Variants in ALG3 observed in about 807,000 individuals in gnomAD.
ALG3 encodes the protein ALG3 alpha-1,3- mannosyltransferase, also known as dol-P-Man:Man(5)GlcNAc(2)-PP-Dol alpha-1,3-mannosyltransferase.
In ALG3, 39 loss-of-function variants were observed where a neutral mutation model predicts 50.5. The observed-to-expected ratio is 0.77, with a 90% confidence interval of 0.60 to 1.01. The LOEUF is 1.01. ALG3 is among the 50% of genes least tolerant of loss of function. The pLI is 0.00. For synonymous variants in ALG3, 252 were observed against 237.2 expected, an observed-to-expected ratio of 1.06 and a Z score of -0.58; for missense variants, 520 against 554.8, an observed-to-expected ratio of 0.94 and a Z score of 0.63.
At chr3:184,244,059 C>T in intron 5 of ALG3, 63 bp from the exon 6 acceptor site, 4 of 1,511,608 alleles carry the variant, frequency 2.6e-6, no homozygotes, top group South Asian at 2.4e-5. Flanking sequence ...AGCCTTCATG[C>T]TACTCATTGA....
chr3:184,242,994 T>TG lies in ALG3; in HGVS notation c.1010-38dup, dbSNP rs532747618. On this transcript the variant is annotated intron_variant, in intron 7 of 8. Transcript: ENST00000397676. ...TCAAGGCCAAGGGCAGGAGTGTGTG[T>TG]GGGGGGGACTATCCCAAAACAGAGG... 2.2e-3 allele frequency: 3,500 copies of TG among 1,608,866 alleles called. 31 individuals carry two copies. The highest frequency in any genetic ancestry group is 1.5e-3 in the Non-Finnish European group (1,784 of 1,178,396).
intron 6 of ALG3, 52 bp downstream of exon 6, chr3:184,243,739 G>T: frequency 6.3e-7 from 1 of 1,593,788 alleles, no homozygotes; most frequent in Non-Finnish European, 8.6e-7. Flanking sequence ...TAAGGCTTAG[G>T]CCCTTCACTC....
In ALG3 at chr3:184,242,808, G is replaced by C. The variant is rs372929338; in HGVS notation, c.1154+5C>G. 8.7e-6 allele frequency: 14 copies of C among 1,613,526 alleles called. No homozygotes were observed. The highest frequency in any genetic ancestry group is 3.3e-5 in the Admixed American group (2 of 59,998). On this transcript the variant is annotated splice_donor_5th_base_variant and intron_variant, in intron 8 of 8. Coordinates refer to ENST00000397676, the MANE Select transcript of ALG3 (RefSeq NM_005787.6). The stretch of plus-strand genomic sequence containing the variant: ...CCCACTCCCCCAGGTTGTCCCAGCT[G>C]GTACCTGAGCAGGTGTGTGAGCCAG...
Position 184,248,901 on chromosome 3 carries a change from C to T in ALG3, c.40G>A (p.Ala14Thr). ...TTGCAGAGTCCCTCTGCCTGGGCCG[C>T]GGAACCGGACCGGCCGCGTTTCCGC... is the stretch of plus-strand genomic sequence containing the variant. Reference protein sequence around the residue: ...GLRKRGRSGSAAQAEGLCKQW... With the variant: ...GLRKRGRSGSTAQAEGLCKQW... Residue 14 changes from alanine (A) to threonine (T), a missense_variant, in exon 1 of 9, where the codon GCG becomes ACG. By Grantham distance (58) the Ala-to-Thr change is moderately conservative. Transcript: ENST00000397676. The T allele has an allele frequency of 6.3e-7, 1 of 1,598,354 alleles. No homozygotes were observed.
At chr3:184,243,016 G>A (rs886940329) in intron 7 of ALG3, 59 bp from the exon 8 acceptor site, 24 of 1,596,536 alleles carry the variant, frequency 1.5e-5, no homozygotes, top group Middle Eastern at 2.2e-4. Context: ...TCCCAAAACA[G>A]AGGGGCAATA....
intron 1 of ALG3, among the ~76,000 whole-genome samples, 181 bp downstream of exon 1, chr3:184,248,564 G>A (rs1719313698): frequency 6.6e-6 from 1 of 152,226 alleles, no homozygotes; most frequent in Admixed American, 6.5e-5. Context: ...TGCCATGCGG[G>A]CAGATTAAGA....
rs528833789 is a variant in ALG3, at chr3:184,244,066, T to C, written c.727-70A>G. On this transcript the variant is annotated intron_variant, in intron 5 of 8. Coordinates refer to ENST00000397676, the MANE Select transcript of ALG3 (RefSeq NM_005787.6). Reference sequence around the variant, plus strand: ...CAATGACCAGCCTTCATGCTACTCATTGAGGGGTGTGGGACGGGGATGTAG... The same window carrying C: ...CAATGACCAGCCTTCATGCTACTCACTGAGGGGTGTGGGACGGGGATGTAG... 5 of 1,484,692 alleles carry C rather than the reference T, an allele frequency of 3.4e-6. No homozygotes were observed. The East Asian group carries it at 6.9e-5, about 20-fold the overall frequency. The allele number at this position is 1,484,692 out of a possible 1,614,324, so 92.0% of individuals were successfully genotyped here.
chr3:184,247,770 T>G lies in ALG3; in HGVS notation c.196+975A>C, dbSNP rs181417664. ...CCTATGCCCTTTATGGTATCCTGTG[T>G]TACTACTACCATGATTATGATGCAT... is the stretch of plus-strand genomic sequence containing the variant. On this transcript the variant is annotated intron_variant, in intron 1 of 8. Coordinates refer to ENST00000397676, the MANE Select transcript of ALG3 (RefSeq NM_005787.6). Among the ~76,000 whole-genome samples, 3 of 152,304 alleles carry G rather than the reference T, an allele frequency of 2.0e-5. No individual in the cohort carries two copies. The East Asian group carries it at 5.8e-4, about 29-fold the overall frequency.
intron 1 of ALG3, 54 bp downstream of exon 1, chr3:184,248,691 G>T: frequency 1.4e-6 from 2 of 1,466,204 alleles, no homozygotes; most frequent in Non-Finnish European, 1.8e-6. Flanking sequence ...ATCCAGTTTG[G>T]GTCGCGGGTT....
rs781738912 is a variant in ALG3, at chr3:184,245,448, C to T, written c.444+20G>A. 1.9e-6 allele frequency: 3 copies of T among 1,613,502 alleles called. No homozygotes were observed. The highest frequency in any genetic ancestry group is 1.7e-6 in the Non-Finnish European group (2 of 1,179,602). Reference sequence around the variant, plus strand: ...GCCCTCCCAGGCTGGGGCCCTCTAGCCCTGGTAGCATGGACTCACCTTGCA... The same window carrying T: ...GCCCTCCCAGGCTGGGGCCCTCTAGTCCTGGTAGCATGGACTCACCTTGCA... On this transcript the variant is annotated intron_variant, in intron 3 of 8. Coordinates refer to ENST00000397676, the MANE Select transcript of ALG3 (RefSeq NM_005787.6).
At chr3:184,243,025 T>A in intron 7 of ALG3, 68 bp from the exon 8 acceptor site, 2 of 1,584,348 alleles carry the variant, frequency 1.3e-6, no homozygotes, top group Non-Finnish European at 8.6e-7. Flanking sequence ...AGAGGGGCAA[T>A]AGTTTTTAGG....
At chr3:184,249,124 A>C, upstream of ALG3, 2 of 1,476,024 alleles carry the variant, frequency 1.4e-6, no homozygotes, top group Non-Finnish European at 1.9e-6. Context: ...TCCACGCTCC[A>C]TAGGAGCAGG....
intron 1 of ALG3, among the ~76,000 whole-genome samples, chr3:184,248,175 ACTGTAC>A (rs1230545123): frequency 6.6e-6 from 1 of 152,022 alleles, no homozygotes; most frequent in African/African-American, 2.4e-5. Context: ...CTTATTCACC[ACTGTAC>A]CTCTCTCTGG....
chr3:184,243,193 G>T (rs1272293957), intron 7 of ALG3: 2 of 603,304 alleles, frequency 3.3e-6, no homozygotes, highest in Admixed American at 6.3e-5. Context: ...TACTGGCTGT[G>T]TGACCTTGGT....
intron 5 of ALG3, 55 bp downstream of exon 5, chr3:184,244,546 A>G (rs1719020642): frequency 1.9e-6 from 3 of 1,575,008 alleles, no homozygotes; most frequent in Non-Finnish European, 1.7e-6. Context: ...GAGCCCCTCA[A>G]TCAAGACAAG....
Position 184,242,944 on chromosome 3 carries a change from G to A in ALG3, c.1023C>T (p.Thr341=), listed in dbSNP as rs767460147. 1.4e-5 allele frequency: 22 copies of A among 1,613,380 alleles called. No homozygotes were observed. In the African/African-American group the frequency reaches 2.8e-4, roughly 21 times the overall value. Reference sequence around the variant, plus strand: ...TGCCAATGAAGTTGGAGGTGAAGAGGGTAGAAACGATCTGTATGCGGTGGT... The same window carrying A: ...TGCCAATGAAGTTGGAGGTGAAGAGAGTAGAAACGATCTGTATGCGGTGGT... ...QPLTPNQIVS[T]LFTSNFIGIC... The change falls in exon 8 of 9, where the codon ACC becomes ACT. Residue 341 remains threonine, a synonymous_variant. Coordinates refer to ENST00000397676, the MANE Select transcript of ALG3 (RefSeq NM_005787.6).
upstream of ALG3, chr3:184,249,102 C>T: frequency 1.4e-6 from 2 of 1,466,844 alleles, no homozygotes; most frequent in South Asian, 1.2e-5. Context: ...GCATTTGTCT[C>T]CTCTGATGCA....
intron 1 of ALG3, among the ~76,000 whole-genome samples, chr3:184,248,073 C>T (rs1370295871): frequency 6.6e-6 from 1 of 150,672 alleles, no homozygotes; most frequent in African/African-American, 2.5e-5. Flanking sequence ...CCAGGATGGC[C>T]TCGATCTCCT....
chr3:184,242,338 G>T lies in ALG3; in HGVS notation c.*176C>A. On this transcript the variant is annotated 3_prime_UTR_variant, in exon 9 of 9. Transcript: ENST00000397676. The stretch of plus-strand genomic sequence containing the variant: ...TAAAGTGCCTCTTAGGACTGCTTGA[G>T]TGAATTCTTTATCTGCTCCATACGT... 1.2e-6 allele frequency: 1 copy of T among 867,902 alleles called. No homozygotes were observed. The highest frequency in any genetic ancestry group is 1.9e-6 in the Non-Finnish European group (1 of 533,530). 53.8% of individuals were successfully genotyped at this position (867,902 alleles called of 1,614,324 possible). A position where few individuals can be genotyped will look rare whatever the true frequency, so the allele number is the denominator to read the frequency against.
Sources: gnomAD v4.1 joint callset for allele counts (sites outside exome capture counted in the v4.1 genomes callset) on GRCh38, gnomAD v4.1.1 for gene constraint, MANE v1.5 for transcripts, NCBI Gene and HGNC (gene_info 2026-07-23, HGNC 2026-07-21) for gene names.